MAP3K19: variants seen among roughly 807,000 people sequenced by gnomAD.
MAP3K19 encodes mitogen-activated protein kinase kinase kinase 19, also known as SPS1/STE20-related protein kinase YSK4.
MAP3K19 carries 91 observed loss-of-function variants against 114.4 expected under a neutral mutation model. That is an observed-to-expected ratio of 0.80 (90% confidence interval 0.67 to 0.95). MAP3K19 has a LOEUF of 0.95. Ranked by LOEUF, MAP3K19 falls within the 40% of genes least tolerant of loss-of-function variation. The pLI, the probability that MAP3K19 is intolerant of heterozygous loss-of-function variation, is 0.00. For synonymous variants in MAP3K19, 518 were observed against 530.5 expected (o/e 0.98, Z 0.32); for missense variants, 1,471 against 1,573.2 (o/e 0.94, Z 1.10).
chr2:134,981,113 G>A lies in MAP3K19; in HGVS notation c.3628C>T (p.Arg1210Cys), dbSNP rs1369598523. The change falls in exon 12 of 13, where the codon CGT becomes TGT. Residue 1210 changes from arginine to cysteine, a missense_variant. Physicochemically the swap from Arg to Cys is radical, Grantham distance 180. Transcript: ENST00000392915. ...CCATTTAAACCTGCCCAGGCCAAAC[G>A]CCTGGCACAGCCAAAGTCAATCAGC... is the stretch of plus-strand genomic sequence containing the variant. ...IKLIDFGCAR[R>C]LAWAGLNGTH... is the part of the protein sequence containing the mutation. 5 of 1,614,158 alleles carry A rather than the reference G, an allele frequency of 3.1e-6. No individual in the cohort carries two copies. Among genetic ancestry groups the A allele is most frequent in the Non-Finnish European group, 4.2e-6 (5 of 1,180,018 alleles).
At chr2:135,041,980 A>G (rs1364715594) in intron 1 of MAP3K19, among the ~76,000 whole-genome samples, 1 of 152,152 alleles carries the variant, frequency 6.6e-6, no homozygotes, top group Non-Finnish European at 1.5e-5. Context: ...AACATGTACT[A>G]TTTCACTCTA....
intron 12 of MAP3K19, among the ~76,000 whole-genome samples, chr2:134,975,577 G>A (rs928638235): frequency 1.2e-4 from 18 of 152,106 alleles, no homozygotes; most frequent in African/African-American, 4.1e-4. Flanking sequence ...CTGCAGCTCC[G>A]GTGGTGGTGG....
rs779066921 is a variant in MAP3K19 at position 134,986,488 on chromosome 2, G to C, written c.2384C>G (p.Ser795Cys). The C allele has an allele frequency of 1.9e-6, 3 of 1,614,054 alleles. No homozygotes were observed. Among genetic ancestry groups the C allele is most frequent in the Non-Finnish European group, 2.5e-6 (3 of 1,179,980 alleles). The change falls in exon 10 of 13, where the codon TCC becomes TGC. Residue 795 changes from serine (S) to cysteine (C), a missense_variant. By Grantham distance (112) the Ser-to-Cys change is moderately radical. Coordinates refer to ENST00000392915, the MANE Select transcript of MAP3K19 (RefSeq NM_025052.5). ...PMNLAQTPEQ[S>C]MKQNEFPPVS... is the part of the protein sequence containing the mutation. ...AGGAGGGAATTCATTCTGTTTCATG[G>C]ACTGCTCAGGTGTCTGAGCCAAGTT...
rs1684638986 is a variant in MAP3K19, at chr2:134,981,295, G to A, written c.3446C>T (p.Ser1149Phe). Residue 1149 changes from serine to phenylalanine, a missense_variant, in exon 12 of 13, where the codon TCT becomes TTT. Ser to Phe is a radical substitution (Grantham distance 155, BLOSUM62 -2). Coordinates refer to ENST00000392915, the MANE Select transcript of MAP3K19 (RefSeq NM_025052.5). ...TGGCCCAAAACGGTTTATAATACTA[G>A]AGATTGAGCCACCAGGAACAAACTC... ...FMEFVPGGSISSIINRFGPLP... is the reference protein window; with the variant it reads ...FMEFVPGGSIFSIINRFGPLP... 6.2e-7 allele frequency: 1 copy of A among 1,614,202 alleles called. No individual in the cohort carries two copies. Among genetic ancestry groups the A allele is most frequent in the Non-Finnish European group, 8.5e-7 (1 of 1,180,040 alleles).
intron 2 of MAP3K19, among the ~76,000 whole-genome samples, chr2:135,036,130 C>G (rs987031069): frequency 1.3e-5 from 2 of 152,088 alleles, no homozygotes; most frequent in African/African-American, 4.8e-5. Flanking sequence ...CACTGGGCGC[C>G]TGGCCAAGAT....
chr2:134,966,489 AAAAAG>A (rs1420893518), intron 12 of MAP3K19, among the ~76,000 whole-genome samples: 2 of 152,174 alleles, frequency 1.3e-5, no homozygotes, highest in Non-Finnish European at 2.9e-5. Context: ...TTGGATGTTT[AAAAAG>A]AAAAGAAAGA....
chr2:134,986,648 TA>T lies in MAP3K19; in HGVS notation c.2223del (p.Glu743LysfsTer27). The T allele has an allele frequency of 6.2e-7, 1 of 1,614,210 alleles. No homozygotes were observed. The highest frequency in any genetic ancestry group is 8.5e-7 in the Non-Finnish European group (1 of 1,180,042). On this transcript the variant is annotated frameshift_variant, in exon 10 of 13. Coordinates refer to ENST00000392915, the MANE Select transcript of MAP3K19 (RefSeq NM_025052.5). LOFTEE classifies it high-confidence loss of function. The stretch of plus-strand genomic sequence containing the variant: ...TGTACAGCCTTGGAACTCTTTTCTT[TA>T]GAAATTAAGACTTTGTGCTCTTGTT... ...GIKQEHKVLI[S>X]KEKSSKAVHS...
intron 2 of MAP3K19, among the ~76,000 whole-genome samples, chr2:135,036,110 A>G (rs1383414474): frequency 6.6e-6 from 1 of 152,146 alleles, no homozygotes; most frequent in Non-Finnish European, 1.5e-5. Flanking sequence ...CTGGGATTAC[A>G]GGTTTGAGCC....
chr2:134,998,776 G>C lies in MAP3K19; in HGVS notation c.536C>G (p.Ala179Gly). 1 of 1,604,526 alleles carries C rather than the reference G, an allele frequency of 6.2e-7. No individual in the cohort carries two copies. Among genetic ancestry groups the C allele is most frequent in the Non-Finnish European group, 8.5e-7 (1 of 1,174,384 alleles). Residue 179 changes from alanine (A) to glycine (G), a missense_variant, in exon 8 of 13, where the codon GCT becomes GGT. Transcript: ENST00000392915. ...TTGCTGCTCCTTCAGAAAATGAGGAGCATCTTCTCTGGTTACAGACTTGGA... is the reference window on the plus strand; with the variant it reads ...TTGCTGCTCCTTCAGAAAATGAGGACCATCTTCTCTGGTTACAGACTTGGA... ...NISKSVTREDAPHFLKEQQRK... is the reference protein window; with the variant it reads ...NISKSVTREDGPHFLKEQQRK...
In MAP3K19 at chr2:134,972,390, A is replaced by G. The variant is rs57026877; in HGVS notation, c.3921-7474T>C. ...GATCCTGGTTTATTTCACTTAACATAATCTGATCTTTATTTCTTTTTTTCT... is the reference window on the plus strand; with the variant it reads ...GATCCTGGTTTATTTCACTTAACATGATCTGATCTTTATTTCTTTTTTTCT... On this transcript the variant is annotated intron_variant, in intron 12 of 12. Coordinates refer to ENST00000392915, the MANE Select transcript of MAP3K19 (RefSeq NM_025052.5). Among the ~76,000 whole-genome samples the G allele has an allele frequency of 7.0e-3, 1,069 of 152,260 alleles. 8 individuals are homozygous for G. The highest frequency in any genetic ancestry group is 0.024 in the African/African-American group (1,014 of 41,546).
intron 5 of MAP3K19, among the ~76,000 whole-genome samples, chr2:135,008,907 T>A (rs1428322693): frequency 6.6e-6 from 1 of 152,138 alleles, no homozygotes; most frequent in South Asian, 2.1e-4. Context: ...GCCTCCTGAG[T>A]AGCTGGAACT....
At chr2:134,970,551 T>G (rs2105146772) in intron 12 of MAP3K19, among the ~76,000 whole-genome samples, 1 of 152,094 alleles carries the variant, frequency 6.6e-6, no homozygotes, top group Non-Finnish European at 1.5e-5. Context: ...TCACGTCATC[T>G]GCAAAGAGGC....
In MAP3K19 at chr2:134,964,935, A is replaced by G. The variant is rs577642824; in HGVS notation, c.3921-19T>C. The G allele has an allele frequency of 6.9e-6, 11 of 1,599,452 alleles. No individual in the cohort carries two copies. The highest frequency in any genetic ancestry group is 2.7e-5 in the African/African-American group (2 of 74,750). On this transcript the variant is annotated intron_variant, in intron 12 of 12. Coordinates refer to ENST00000392915, the MANE Select transcript of MAP3K19 (RefSeq NM_025052.5). ...CTGGTCCCTAAGAAGGGAAAAACAC[A>G]TTAGAAGCAGCAGCACTCAGTAATG...
rs1031708692 is a variant in MAP3K19, at chr2:134,977,096, C to T, written c.3920+3725G>A. Among the ~76,000 whole-genome samples, 5 of 151,358 alleles carry T rather than the reference C, an allele frequency of 3.3e-5. No individual in the cohort carries two copies. In the East Asian group the frequency reaches 9.7e-4, roughly 29 times the overall value. On this transcript the variant is annotated intron_variant, in intron 12 of 12. Transcript: ENST00000392915. ...TTTCACTATCTGGAGGCCCTTTCTC[C>T]GGCCTTTAAAATATGCAGAAATCTC...
chr2:135,019,648 T>C (rs1687833610), intron 5 of MAP3K19, among the ~76,000 whole-genome samples: 1 of 152,086 alleles, frequency 6.6e-6, no homozygotes, highest in Admixed American at 6.5e-5. Context: ...TGAGACCCAA[T>C]CTCAAAATAA....
intron 12 of MAP3K19, among the ~76,000 whole-genome samples, chr2:134,976,909 C>G (rs1169029885): frequency 1.3e-5 from 2 of 151,614 alleles, no homozygotes; most frequent in Non-Finnish European, 2.9e-5. Flanking sequence ...CAGCTGGCCA[C>G]AGTGGCAGGC....
At position 134,985,911 on chromosome 2, in the gene MAP3K19, A is replaced by G. The variant is rs753296679; in HGVS notation, c.2961T>C (p.Ser987=). Residue 987 remains serine, a synonymous_variant, in exon 10 of 13, where the codon TCT becomes TCC. Coordinates refer to ENST00000392915, the MANE Select transcript of MAP3K19 (RefSeq NM_025052.5). ...LLALDEKDNN[S]CQKMANETDP... is the part of the protein sequence containing the mutation. ...CTGTTTCATTTGCCATTTTTTGGCA[A>G]GAGTTGTTATCTTTCTCATCAAGAG... 1 of 1,614,052 alleles carries G rather than the reference A, an allele frequency of 6.2e-7. No individual in the cohort carries two copies. Among genetic ancestry groups the G allele is most frequent in the South Asian group, 1.1e-5 (1 of 91,064 alleles).
At chr2:134,969,122 C>T (rs1392065039) in intron 12 of MAP3K19, among the ~76,000 whole-genome samples, 7 of 152,100 alleles carry the variant, frequency 4.6e-5, no homozygotes, top group African/African-American at 1.4e-4. Flanking sequence ...CTGAGGCTGG[C>T]GGATCACTCG....
chr2:134,968,976 C>T (rs1053729047), intron 12 of MAP3K19, among the ~76,000 whole-genome samples: 3 of 152,204 alleles, frequency 2.0e-5, no homozygotes, highest in African/African-American at 4.8e-5. Context: ...GCAATCTGGG[C>T]ATTTTGGGAG....
Sources: gnomAD v4.1 joint callset for allele counts (sites outside exome capture counted in the v4.1 genomes callset) on GRCh38, gnomAD v4.1.1 for gene constraint, MANE v1.5 for transcripts, NCBI Gene and HGNC (gene_info 2026-07-23, HGNC 2026-07-21) for gene names.